The following PKHD1 variants were observed in gnomAD, a reference collection of about 807,000 sequenced individuals.
PKHD1 encodes the protein fibrocystin.
PKHD1 carries 291 observed loss-of-function variants against 412.0 expected under a neutral mutation model. The ratio of observed to expected loss-of-function variants is 0.71; its 90% CI spans 0.64 to 0.78. The LOEUF is 0.78. Ranked by LOEUF, PKHD1 falls within the 30% of genes least tolerant of loss-of-function variation. The pLI is 0.00. For synonymous variants in PKHD1, 1,777 were observed against 1,821.5 expected (o/e 0.98, Z 0.62); for missense variants, 4,825 against 4,950.7 (o/e 0.97, Z 0.76).
chr6:51,887,374 T>G (rs947737296), intron 43 of PKHD1, 129 bp from the exon 44 acceptor site: 10 of 706,812 alleles, frequency 1.4e-5, no homozygotes, highest in Non-Finnish European at 2.6e-5. Flanking sequence ...AAAACTCTAT[T>G]ATAGACTCAT....
intron 55 of PKHD1, among the ~76,000 whole-genome samples, chr6:51,763,859 G>A (rs1788460968): frequency 6.6e-6 from 1 of 151,744 alleles, no homozygotes; most frequent in African/African-American, 2.4e-5. Context: ...AGATGTACAA[G>A]TATGATAATA....
At chr6:51,643,644 C>T (rs945221607) in intron 63 of PKHD1, among the ~76,000 whole-genome samples, 3 of 152,156 alleles carry the variant, frequency 2.0e-5, no homozygotes, top group Non-Finnish European at 4.4e-5. Flanking sequence ...ATGCTGAAAA[C>T]ATTTAGAGTC....
chr6:51,683,604 T>C (rs1777003378), intron 60 of PKHD1, among the ~76,000 whole-genome samples: 1 of 152,058 alleles, frequency 6.6e-6, no homozygotes, highest in Non-Finnish European at 1.5e-5. Context: ...CTCTTCAATT[T>C]GGATGATGTA....
Position 52,062,505 on chromosome 6 carries a change from T to C in PKHD1, c.1118+14A>G. On this transcript the variant is annotated intron_variant, in intron 14 of 66. Transcript: ENST00000371117. ...GTGCTTTTGATGTGGGCTCCCACTT[T>C]TCCTACAACATACCTGAAAGGTTGT... The C allele has an allele frequency of 6.2e-7, 1 of 1,613,920 alleles. No homozygotes were observed. Among genetic ancestry groups the C allele is most frequent in the South Asian group, 1.1e-5 (1 of 91,072 alleles).
chr6:52,038,527 GT>G (rs1476618634), intron 27 of PKHD1, among the ~76,000 whole-genome samples: 1 of 152,148 alleles, frequency 6.6e-6, no homozygotes, highest in Non-Finnish European at 1.5e-5. Context: ...GACACCAGAT[GT>G]TAAGAGACAG....
chr6:51,857,211 CA>C (rs66714286), intron 48 of PKHD1, among the ~76,000 whole-genome samples: 75,434 of 145,042 alleles, frequency 0.52, 20,312 homozygotes, highest in Middle Eastern at 0.69. Flanking sequence ...AAGCAAAATC[CA>C]AAAAAAAAAA....
rs1808854430 is a variant in PKHD1, at chr6:52,062,613, C to T, written c.1024G>A (p.Glu342Lys). ...FEVGDAVEGL[E>K]LTEATPGYRW... ...TACCCTGGGGTGGCTTCAGTCAGTT[C>T]CAGTCCCTCAACAGCATCTCCAACT... is the stretch of plus-strand genomic sequence containing the variant. The change falls in exon 14 of 67, where the codon GAA (glutamate) becomes AAA (lysine). Residue 342 changes from glutamate (E) to lysine (K), a missense_variant. By Grantham distance (56) the Glu-to-Lys change is moderately conservative (BLOSUM62 1). Coordinates refer to ENST00000371117, the MANE Select transcript of PKHD1 (RefSeq NM_138694.4). 6.2e-7 allele frequency: 1 copy of T among 1,614,146 alleles called. No homozygotes were observed. The highest frequency in any genetic ancestry group is 8.5e-7 in the Non-Finnish European group (1 of 1,179,976).
chr6:51,935,836 G>A (rs13340479), intron 36 of PKHD1, among the ~76,000 whole-genome samples: 438 of 152,160 alleles, frequency 2.9e-3, no homozygotes, highest in African/African-American at 0.01. Flanking sequence ...CAAAAATATC[G>A]GAAATATCTA....
intron 55 of PKHD1, among the ~76,000 whole-genome samples, 156 bp from the exon 56 acceptor site, chr6:51,755,094 A>C (rs1397170910): frequency 6.6e-6 from 1 of 152,180 alleles, no homozygotes; most frequent in Non-Finnish European, 1.5e-5. Flanking sequence ...AGGCTTTCGC[A>C]AACAGTTTAA....
At chr6:51,937,694 C>G (rs1787734017) in intron 36 of PKHD1, among the ~76,000 whole-genome samples, 1 of 152,198 alleles carries the variant, frequency 6.6e-6, no homozygotes, top group South Asian at 2.1e-4. Flanking sequence ...GAATGACACA[C>G]CCCGCATAGG....
Position 51,959,898 on chromosome 6 carries a change from T to C in PKHD1, c.5880A>G (p.Thr1960=). 2 of 1,613,422 alleles carry C rather than the reference T, an allele frequency of 1.2e-6. No individual in the cohort carries two copies. The highest frequency in any genetic ancestry group is 1.7e-6 in the Non-Finnish European group (2 of 1,179,530). Residue 1960 remains threonine (T), a synonymous_variant, in exon 36 of 67, where the codon ACA becomes ACG. Transcript: ENST00000371117. Reference sequence around the variant, plus strand: ...TAATGTGCAGTAAGTTGAGGATGCTTGTGTTAGTGTCCAGCAGAAGCAATT... The same window carrying C: ...TAATGTGCAGTAAGTTGAGGATGCTCGTGTTAGTGTCCAGCAGAAGCAATT... ...NGQLLLLDTN[T]SILNLLHIKG...
intron 52 of PKHD1, among the ~76,000 whole-genome samples, chr6:51,807,913 G>A (rs1023874486): frequency 3.3e-5 from 5 of 152,024 alleles, no homozygotes; most frequent in Admixed American, 6.6e-5. Flanking sequence ...GTGGCTGGGG[G>A]AGATTGCGGA....
chr6:51,786,338 C>T (rs1792850385), intron 53 of PKHD1, among the ~76,000 whole-genome samples: 1 of 152,174 alleles, frequency 6.6e-6, no homozygotes, highest in Non-Finnish European at 1.5e-5. Context: ...TTACTTCACT[C>T]CCTGACGATT....
At chr6:51,713,508 AAGAC>A (rs1780889733) in intron 60 of PKHD1, among the ~76,000 whole-genome samples, 1 of 152,208 alleles carries the variant, frequency 6.6e-6, no homozygotes, top group South Asian at 2.1e-4. Context: ...AGGGCAATGT[AAGAC>A]AGAAAAGATC....
chr6:51,635,858 T>TGGGGGGG (rs1189431938), intron 64 of PKHD1, among the ~76,000 whole-genome samples: 4 of 16,442 alleles, frequency 2.4e-4, no homozygotes, highest in Admixed American at 6.8e-4. Flanking sequence ...GTGGTGAAGG[T>TGGGGGGG]GGGGGGGGGC....
rs2127680098 is a variant in PKHD1, at chr6:51,915,311, T to C, written c.6122-2735A>G. Among the ~76,000 whole-genome samples, 3 of 152,254 alleles carry C rather than the reference T, an allele frequency of 2.0e-5. No individual in the cohort carries two copies. The South Asian group carries it at 6.2e-4, about 32-fold the overall frequency. The stretch of plus-strand genomic sequence containing the variant: ...AGAGAAGGCTCCAAGACTTGCTGAG[T>C]AGGCAAACCCTGTATATAATCTGTC... On this transcript the variant is annotated intron_variant, in intron 37 of 66. Coordinates refer to ENST00000371117, the MANE Select transcript of PKHD1 (RefSeq NM_138694.4).
At chr6:51,819,918 T>C (rs768398141) in intron 52 of PKHD1, among the ~76,000 whole-genome samples, 1 of 152,234 alleles carries the variant, frequency 6.6e-6, no homozygotes, top group Non-Finnish European at 1.5e-5. Context: ...CTTCTAAGTA[T>C]CATTATTTAG....
intron 53 of PKHD1, among the ~76,000 whole-genome samples, chr6:51,778,006 G>A (rs1028155095): frequency 6.6e-6 from 1 of 152,120 alleles, no homozygotes; most frequent in African/African-American, 2.4e-5. Context: ...GAAGGCAAAG[G>A]TGACCTAAGA....
intron 43 of PKHD1, 64 bp downstream of exon 43, chr6:51,903,533 C>A: frequency 6.7e-7 from 1 of 1,486,018 alleles, no homozygotes; most frequent in Non-Finnish European, 9.3e-7. Context: ...TTGGACACCC[C>A]TGATTGAGAA....
Sources: allele counts gnomAD v4.1 joint callset (sites outside exome capture counted in the v4.1 genomes callset), GRCh38; gene constraint gnomAD v4.1.1; transcripts MANE v1.5; gene names NCBI Gene and HGNC (gene_info 2026-07-23, HGNC 2026-07-21).